The following MYO10 variants were observed in gnomAD, a reference collection of about 807,000 sequenced individuals.
MYO10 encodes myosin X.
Under a neutral mutation model 257.3 loss-of-function variants are expected in MYO10, and 133 were observed. The ratio of observed to expected loss-of-function variants is 0.52; its 90% CI spans 0.45 to 0.60. The LOEUF (loss-of-function observed/expected upper bound fraction) is 0.60, where lower values mean the gene tolerates loss of function less well. Among genes scored for constraint, MYO10 ranks in the 20% least tolerant of loss-of-function variants. The pLI is 0.00. For missense variants in MYO10, 2,399 were observed against 2,635.7 expected, an observed-to-expected ratio of 0.91 and a Z score of 1.97; for synonymous variants, 1,104 against 1,028.6, an observed-to-expected ratio of 1.07 and a Z score of -1.40.
At chr5:16,742,155 C>T (rs1299544636) in intron 19 of MYO10, 1 of 985,032 alleles carries the variant, frequency 1.0e-6, no homozygotes, top group Non-Finnish European at 1.2e-6. Flanking sequence ...TAAAAAAAGT[C>T]CCAGGACAAA....
At position 16,804,425 on chromosome 5, in the gene MYO10, A is replaced by G. The variant is rs544668247; in HGVS notation, c.280-9592T>C. Among the ~76,000 whole-genome samples the G allele has an allele frequency of 7.4e-4, 113 of 152,266 alleles. 1 individual carries two copies. The highest frequency in any genetic ancestry group is 2.7e-3 in the African/African-American group (112 of 41,544). On this transcript the variant is annotated intron_variant, in intron 3 of 40. Transcript: ENST00000513610. The stretch of plus-strand genomic sequence containing the variant: ...AACAGGTCACCAAAGGGAGTGGGGG[A>G]AGGGCTTCAGCTCACAGAAGGACTT...
At chr5:16,696,033 G>A (rs1737729891) in intron 26 of MYO10, among the ~76,000 whole-genome samples, 4 of 152,182 alleles carry the variant, frequency 2.6e-5, no homozygotes, top group African/African-American at 9.7e-5. Flanking sequence ...AACAAGCCTG[G>A]AGGAAAACTG....
chr5:16,916,404 G>GT (rs1490564342), intron 1 of MYO10: 3 of 33,060 alleles, frequency 9.1e-5, no homozygotes, highest in South Asian at 8.5e-4. Context: ...AAGCCATGAA[G>GT]TAAAAAAAAA....
At chr5:16,727,919 C>T (rs1259328304) in intron 19 of MYO10, among the ~76,000 whole-genome samples, 14 of 151,278 alleles carry the variant, frequency 9.3e-5, no homozygotes, top group African/African-American at 3.4e-4. Context: ...CCTGGAAAAG[C>T]TATGCCTAAC....
intron 2 of MYO10, among the ~76,000 whole-genome samples, chr5:16,867,856 C>T (rs1202903495): frequency 6.6e-6 from 1 of 152,078 alleles, no homozygotes; most frequent in Non-Finnish European, 1.5e-5. Flanking sequence ...ATCCTTGTTG[C>T]AAATAGAGAG....
chr5:16,791,265 G>A (rs1488306324), intron 4 of MYO10, among the ~76,000 whole-genome samples: 1 of 152,106 alleles, frequency 6.6e-6, no homozygotes, highest in Non-Finnish European at 1.5e-5. Context: ...GGGCTCCTAC[G>A]TCCAGCAACT....
intron 1 of MYO10, among the ~76,000 whole-genome samples, chr5:16,922,888 G>A (rs867368221): frequency 2.6e-5 from 4 of 152,010 alleles, no homozygotes; most frequent in South Asian, 2.1e-4. Context: ...AAAATTAGCC[G>A]GGCGAGGTGG....
At chr5:16,805,288 C>T (rs953875633) in intron 3 of MYO10, among the ~76,000 whole-genome samples, 1 of 151,796 alleles carries the variant, frequency 6.6e-6, no homozygotes, top group Non-Finnish European at 1.5e-5. Flanking sequence ...CATGGTGAAA[C>T]CCCGTCTCTA....
chr5:16,835,046 C>T (rs576913879), intron 2 of MYO10, among the ~76,000 whole-genome samples: 1 of 152,014 alleles, frequency 6.6e-6, no homozygotes, highest in East Asian at 2.0e-4. Flanking sequence ...ACCGTGGTGG[C>T]ACACGCCTGT....
chr5:16,760,173 C>T (rs965201497), intron 17 of MYO10, among the ~76,000 whole-genome samples: 16 of 151,616 alleles, frequency 1.1e-4, no homozygotes, highest in Admixed American at 5.9e-4. Flanking sequence ...ACACTTCCGC[C>T]GGGCATGGTG....
intron 19 of MYO10, among the ~76,000 whole-genome samples, chr5:16,731,509 G>C (rs995615918): frequency 6.6e-6 from 1 of 151,154 alleles, no homozygotes; most frequent in East Asian, 2.0e-4. Context: ...CACCATGCCT[G>C]GCTAATTTTT....
intron 2 of MYO10, among the ~76,000 whole-genome samples, chr5:16,870,402 G>T (rs1356852217): frequency 6.6e-6 from 1 of 151,292 alleles, no homozygotes; most frequent in Admixed American, 6.6e-5. Context: ...CAATGTGGTT[G>T]GTCCAGCAAC....
chr5:16,755,738 TTTTA>T (rs1452873525), intron 18 of MYO10, among the ~76,000 whole-genome samples: 211 of 151,632 alleles, frequency 1.4e-3, no homozygotes, highest in Non-Finnish European at 1.9e-3. Context: ...TTTTTTTTTT[TTTTA>T]GAGTTTTTAA....
At chr5:16,764,188 G>T (rs1410999027) in intron 12 of MYO10, 62 bp downstream of exon 12, 3 of 1,552,120 alleles carry the variant, frequency 1.9e-6, no homozygotes, top group Admixed American at 1.9e-5. Flanking sequence ...ACAGAGATTT[G>T]TTCAATAGCA....
chr5:16,791,486 C>T (rs1313007210), intron 4 of MYO10, among the ~76,000 whole-genome samples: 1 of 152,026 alleles, frequency 6.6e-6, no homozygotes, highest in Non-Finnish European at 1.5e-5. Context: ...CCACCCCCCT[C>T]TCCCCCTTAT....
intron 2 of MYO10, among the ~76,000 whole-genome samples, chr5:16,856,068 A>C (rs1199732616): frequency 6.6e-6 from 1 of 152,226 alleles, no homozygotes; most frequent in African/African-American, 2.4e-5. Flanking sequence ...TTACAAATGG[A>C]ACAGTATTGT....
At chr5:16,829,239 C>G (rs933869453) in intron 2 of MYO10, among the ~76,000 whole-genome samples, 2 of 152,152 alleles carry the variant, frequency 1.3e-5, no homozygotes, top group Non-Finnish European at 2.9e-5. Flanking sequence ...CCCCTGTGCC[C>G]TGGGTGCTGC....
intron 2 of MYO10, among the ~76,000 whole-genome samples, chr5:16,874,052 C>T (rs1454312475): frequency 6.6e-6 from 1 of 152,096 alleles, no homozygotes; most frequent in Non-Finnish European, 1.5e-5. Flanking sequence ...ATGGGATTTT[C>T]GACTGGGCAT....
intron 11 of MYO10, among the ~76,000 whole-genome samples, chr5:16,765,314 TC>T (rs1168607865): frequency 1.3e-5 from 2 of 152,158 alleles, no homozygotes; most frequent in Admixed American, 1.3e-4. Flanking sequence ...TGGCACAGCC[TC>T]CCAGCCTACA....
Sources: gnomAD v4.1 joint callset for allele counts (sites outside exome capture counted in the v4.1 genomes callset) on GRCh38, gnomAD v4.1.1 for gene constraint, MANE v1.5 for transcripts, NCBI Gene and HGNC (gene_info 2026-07-23, HGNC 2026-07-21) for gene names.